TMTC1: variants seen among roughly 807,000 people sequenced by gnomAD.
The protein encoded by TMTC1 is protein O-mannosyl-transferase TMTC1.
Under a neutral mutation model 104.8 loss-of-function variants are expected in TMTC1, and 73 were observed. That is an observed-to-expected ratio of 0.70 (90% CI 0.58 to 0.85). TMTC1 has a LOEUF of 0.85. TMTC1 is among the 40% of genes least tolerant of loss of function. The pLI is 0.00. For missense variants in TMTC1, 1,035 were observed against 1,096.1 expected (o/e 0.94, Z 0.79); for synonymous variants, 434 against 428.7 (o/e 1.01, Z -0.15).
chr12:29,665,162 GAA>G (rs982566269), intron 5 of TMTC1, among the ~76,000 whole-genome samples: 4 of 152,146 alleles, frequency 2.6e-5, no homozygotes, highest in African/African-American at 9.7e-5. Context: ...AAAAAAAAGA[GAA>G]AGGAATGTCA....
intron 5 of TMTC1, among the ~76,000 whole-genome samples, chr12:29,749,568 C>T (rs747669392): frequency 1.6e-4 from 25 of 152,110 alleles, no homozygotes; most frequent in Non-Finnish European, 2.8e-4. Flanking sequence ...AAAAAATTCA[C>T]GATTTCCCCA....
intron 11 of TMTC1, among the ~76,000 whole-genome samples, chr12:29,521,770 G>T (rs2136161522): frequency 6.6e-6 from 1 of 152,068 alleles, no homozygotes; most frequent in South Asian, 2.1e-4. Flanking sequence ...GTTTCCCCAT[G>T]TTGGCCAGGC....
At chr12:29,620,340 C>G (rs954348390) in intron 6 of TMTC1, among the ~76,000 whole-genome samples, 5 of 152,192 alleles carry the variant, frequency 3.3e-5, no homozygotes, top group Non-Finnish European at 7.3e-5. Context: ...TCCCTCCCCC[C>G]AGCCTTGGGA....
intron 5 of TMTC1, among the ~76,000 whole-genome samples, chr12:29,681,535 T>A (rs958094283): frequency 2.1e-4 from 32 of 152,098 alleles, no homozygotes; most frequent in Admixed American, 2.1e-3. Flanking sequence ...AGAGAAACCT[T>A]GAATGCACTC....
chr12:29,514,531 G>A lies in TMTC1; in HGVS notation c.2381C>T (p.Thr794Ile). ...DPKVISELFF[T>I]KGNQLREQNL... is the part of the protein sequence containing the mutation. ...CTGCTCTCTTAATTGGTTTCCTTTT[G>A]TGAAAAAAAGTTCAGAAATGACTTT... Residue 794 changes from threonine to isoleucine, a missense_variant, in exon 16 of 18, where the codon ACA (threonine) becomes ATA (isoleucine). Transcript: ENST00000539277. 1.2e-6 allele frequency: 2 copies of A among 1,613,942 alleles called. No individual in the cohort carries two copies. The highest frequency in any genetic ancestry group is 1.7e-6 in the Non-Finnish European group (2 of 1,179,946).
chr12:29,626,345 G>T (rs1046410941), intron 6 of TMTC1, among the ~76,000 whole-genome samples: 1 of 152,158 alleles, frequency 6.6e-6, no homozygotes, highest in African/African-American at 2.4e-5. Context: ...GAAAGGAGTA[G>T]AGAGTATATG....
intron 5 of TMTC1, among the ~76,000 whole-genome samples, chr12:29,675,898 C>T (rs1315255390): frequency 1.3e-5 from 2 of 152,162 alleles, no homozygotes; most frequent in African/African-American, 2.4e-5. Flanking sequence ...ACCATTAAGA[C>T]TGTACAGAGT....
Position 29,578,153 on chromosome 12 carries a change from T to C in TMTC1, c.1418+5254A>G, listed in dbSNP as rs368744282. Among the ~76,000 whole-genome samples the C allele has an allele frequency of 9.9e-5, 15 of 152,100 alleles. 2 individuals carry two copies. In the South Asian group the frequency reaches 2.9e-3, roughly 29 times the overall value. ...CATGGTCTCTGCTGAGATCAGGGCATTGTTTCATAATGGTAAGAGGAAGTA... is the reference window on the plus strand; with the variant it reads ...CATGGTCTCTGCTGAGATCAGGGCACTGTTTCATAATGGTAAGAGGAAGTA... On this transcript the variant is annotated intron_variant, in intron 8 of 17. Transcript: ENST00000539277.
intron 1 of TMTC1, among the ~76,000 whole-genome samples, chr12:29,778,304 GACTTCC>G (rs1161943294): frequency 1.3e-5 from 2 of 152,048 alleles, no homozygotes; most frequent in Non-Finnish European, 2.9e-5. Context: ...TGTTGAAGCA[GACTTCC>G]ACCTGCTTAC....
At position 29,574,590 on chromosome 12, in the gene TMTC1, G is replaced by A. The variant is rs376559048; in HGVS notation, c.1419-2372C>T. ...TCAAGATCAAAGTTATGGCTGATTC[G>A]GTTTCTGATGAGGGTTCTCTTCCTG... is the stretch of plus-strand genomic sequence containing the variant. On this transcript the variant is annotated intron_variant, in intron 8 of 17. Coordinates refer to ENST00000539277, the MANE Select transcript of TMTC1 (RefSeq NM_001193451.2). 5.3e-5 allele frequency among the ~76,000 whole-genome samples: 8 copies of A among 152,262 alleles called. No homozygotes were observed. The South Asian group carries it at 6.2e-4, about 12-fold the overall frequency.
intron 5 of TMTC1, among the ~76,000 whole-genome samples, chr12:29,747,529 G>T (rs1942984564): frequency 6.6e-6 from 1 of 152,044 alleles, no homozygotes; most frequent in Non-Finnish European, 1.5e-5. Flanking sequence ...GATAACATTT[G>T]GCCCAATTCT....
At chr12:29,751,938 G>C (rs1943101925) in intron 4 of TMTC1, 66 bp from the exon 5 acceptor site, 2 of 1,396,574 alleles carry the variant, frequency 1.4e-6, no homozygotes, top group East Asian at 5.0e-5. Flanking sequence ...ACAACCGATA[G>C]CAGTAAACTG....
At chr12:29,533,948 A>C (rs1421746125) in intron 11 of TMTC1, 1 of 152,072 alleles carries the variant, frequency 6.6e-6, no homozygotes, top group Non-Finnish European at 1.5e-5. Flanking sequence ...CATGACACTG[A>C]CCCACAACCA....
intron 5 of TMTC1, among the ~76,000 whole-genome samples, chr12:29,634,189 A>G (rs1565725813): frequency 1.3e-5 from 2 of 152,182 alleles, no homozygotes; most frequent in Non-Finnish European, 2.9e-5. Context: ...ACACGTTACA[A>G]CATGCCCCCA....
intron 4 of TMTC1, 145 bp from the exon 5 acceptor site, chr12:29,752,017 T>G: frequency 2.7e-6 from 2 of 745,008 alleles, no homozygotes; most frequent in Non-Finnish European, 4.3e-6. Context: ...TTTCTGATAT[T>G]TACTGCCATA....
At chr12:29,711,345 G>T (rs1281548094) in intron 5 of TMTC1, among the ~76,000 whole-genome samples, 1 of 152,132 alleles carries the variant, frequency 6.6e-6, no homozygotes, top group Non-Finnish European at 1.5e-5. Flanking sequence ...TGATAATTTG[G>T]AAAGGGAGAC....
intron 3 of TMTC1, among the ~76,000 whole-genome samples, chr12:29,756,672 C>T (rs903636375): frequency 5.9e-5 from 9 of 152,210 alleles, no homozygotes; most frequent in Middle Eastern, 6.8e-3. Context: ...TAAAACAGAG[C>T]GGGCCCCCTA....
chr12:29,542,808 C>T (rs1944838265), intron 10 of TMTC1, among the ~76,000 whole-genome samples: 1 of 151,982 alleles, frequency 6.6e-6, no homozygotes, highest in Non-Finnish European at 1.5e-5. Flanking sequence ...CTCCTGGATA[C>T]CAGGAAATGT....
chr12:29,652,323 A>C (rs1378073573), intron 5 of TMTC1, among the ~76,000 whole-genome samples: 1 of 152,200 alleles, frequency 6.6e-6, no homozygotes. Flanking sequence ...AATCTCAAAG[A>C]GGAAGACCCA....
Sources: gnomAD v4.1 joint callset for allele counts (sites outside exome capture counted in the v4.1 genomes callset) on GRCh38, gnomAD v4.1.1 for gene constraint, MANE v1.5 for transcripts, NCBI Gene and HGNC (gene_info 2026-07-23, HGNC 2026-07-21) for gene names.